Variants in MUC12 observed in about 807,000 individuals in gnomAD.
The protein encoded by MUC12 is mucin 12, cell surface associated.
MUC12 carries 172 observed loss-of-function variants against 230.8 expected under a neutral mutation model. The observed-to-expected ratio is 0.75, with a 90% CI of 0.66 to 0.85. The LOEUF is 0.85. MUC12 is among the 40% of genes least tolerant of loss of function. The pLI is 0.00. For missense variants in MUC12, 3,506 were observed against 5,920.6 expected (o/e 0.59, Z 13.38); for synonymous variants, 1,259 against 2,401.9 (o/e 0.52, Z 13.91).
rs375089739 is a variant in MUC12 at position 100,992,519 on chromosome 7, A to G, written c.1956A>G (p.Ser652=). The G allele has an allele frequency of 5.2e-6, 8 of 1,537,910 alleles. No individual in the cohort carries two copies. Among genetic ancestry groups the G allele is most frequent in the African/African-American group, 1.4e-5 (1 of 73,146 alleles). ...DTRPAPPTTT[S]AFVEPSTTSH... ...GGCCTGCACCTCCTACTACCACATC[A>G]GCCTTTGTTGAGCCATCTACAACCT... The change falls in exon 2 of 12, where the codon TCA becomes TCG. Residue 652 remains serine (S), a synonymous_variant. Coordinates refer to ENST00000536621, the MANE Select transcript of MUC12 (RefSeq NM_001164462.2).
At chr7:101,012,795 T>C (rs988622940) in intron 6 of MUC12, 24 bp from the exon 7 acceptor site, 4 of 1,535,832 alleles carry the variant, frequency 2.6e-6, no homozygotes, top group Non-Finnish European at 3.5e-6. Context: ...CTATTCCATC[T>C]TCCTTCCCAT....
At chr7:100,978,367 G>C (rs985253287) in intron 1 of MUC12, among the ~76,000 whole-genome samples, 2 of 152,178 alleles carry the variant, frequency 1.3e-5, no homozygotes, top group African/African-American at 4.8e-5. Flanking sequence ...AGAGCAGAAT[G>C]TGCACCTAGA....
chr7:101,013,984 A>T lies in MUC12; in HGVS notation c.15710A>T (p.Tyr5237Phe). Reference sequence around the variant, plus strand: ...TTCAACATCGCCAAGAGCCTCGTGTATGGGATCGTGGGGGCTGTGATGGCG... The same window carrying T: ...TTCAACATCGCCAAGAGCCTCGTGTTTGGGATCGTGGGGGCTGTGATGGCG... ...CEFNIAKSLV[Y>F]GIVGAVMAVL... Residue 5237 changes from tyrosine (Y) to phenylalanine (F), a missense_variant, in exon 9 of 12, where the codon TAT becomes TTT. By Grantham distance (22) the Tyr-to-Phe change is conservative. Transcript: ENST00000536621. 1 of 1,536,308 alleles carries T rather than the reference A, an allele frequency of 6.5e-7. No homozygotes were observed. The highest frequency in any genetic ancestry group is 2.4e-5 in the East Asian group (1 of 40,898).
At chr7:100,975,370 G>T (rs540951617) in intron 1 of MUC12, among the ~76,000 whole-genome samples, 1 of 152,428 alleles carries the variant, frequency 6.6e-6, no homozygotes, top group African/African-American at 2.4e-5. Context: ...GGGTGGAAAT[G>T]GTTAACACCT....
Position 101,018,678 on chromosome 7 carries a change from G to C in MUC12, c.*42G>C. 1 of 1,521,586 alleles carries C rather than the reference G, an allele frequency of 6.6e-7. No homozygotes were observed. Among genetic ancestry groups the C allele is most frequent in the South Asian group, 1.2e-5 (1 of 82,520 alleles). 94.3% of individuals were successfully genotyped at this position (1,521,586 alleles called of 1,614,324 possible). Reference sequence around the variant, plus strand: ...CACCCTCATCTAGCTCTGTTCAGGAGAGCTGCAAACACAGAGCCCACCACA... The same window carrying C: ...CACCCTCATCTAGCTCTGTTCAGGACAGCTGCAAACACAGAGCCCACCACA... On this transcript the variant is annotated 3_prime_UTR_variant, in exon 12 of 12. Transcript: ENST00000536621.
intron 5 of MUC12, among the ~76,000 whole-genome samples, chr7:101,010,762 G>A (rs890798417): frequency 9.2e-5 from 14 of 152,068 alleles, no homozygotes; most frequent in African/African-American, 2.7e-4. Context: ...TGATCCGCCC[G>A]CCTTGGCCTC....
In MUC12 at chr7:100,995,512, A is replaced by G. The variant is rs1197235184; in HGVS notation, c.4949A>G (p.Asn1650Ser). Residue 1650 changes from asparagine to serine, a missense_variant, in exon 2 of 12, where the codon AAC (asparagine) becomes AGC (serine). Transcript: ENST00000536621. ...GSTETTLLPDNTTASGLLEAS... is the reference protein window; with the variant it reads ...GSTETTLLPDSTTASGLLEAS... ...ACTGAAACAACACTCTTACCTGACA[A>G]CACCACAGCCTCAGGCCTCCTTGAA... 9 of 1,535,454 alleles carry G rather than the reference A, an allele frequency of 5.9e-6. No homozygotes were observed. In the Admixed American group the frequency reaches 1.6e-4, roughly 27 times the overall value.
chr7:100,990,808 C>T lies in MUC12; in HGVS notation c.245C>T (p.Thr82Ile). The T allele has an allele frequency of 6.5e-7, 1 of 1,537,824 alleles. No individual in the cohort carries two copies. The highest frequency in any genetic ancestry group is 8.7e-7 in the Non-Finnish European group (1 of 1,147,030). Residue 82 changes from threonine (T) to isoleucine (I), a missense_variant, in exon 2 of 12, where the codon ACA becomes ATA. By Grantham distance (89) the Thr-to-Ile change is moderately conservative. Transcript: ENST00000536621. ...AACTCAGGCCACAGTGAGGAATCAA[C>T]AGTATCCCACAGCGGCCCAGGTGCA... ...STNSGHSEES[T>I]VSHSGPGATG...
At chr7:100,985,281 C>T (rs973299180) in intron 1 of MUC12, among the ~76,000 whole-genome samples, 2 of 152,020 alleles carry the variant, frequency 1.3e-5, no homozygotes, top group African/African-American at 2.4e-5. Flanking sequence ...TGAGTCAGTT[C>T]CTGGGTGGGG....
chr7:101,008,862 A>C, intron 4 of MUC12, 101 bp downstream of exon 4: 1 of 1,417,202 alleles, frequency 7.1e-7, no homozygotes, highest in Non-Finnish European at 9.4e-7. Context: ...TCTGCTCATG[A>C]GCCCCCTCCC....
chr7:101,014,480 C>CT (rs902335437), intron 9 of MUC12: 139 of 150,258 alleles, frequency 9.3e-4, no homozygotes, highest in South Asian at 1.7e-3. Context: ...GCTGAACTCA[C>CT]TTTTTTTTTT....
At position 100,991,654 on chromosome 7, in the gene MUC12, G is replaced by A. The variant is rs1164433899; in HGVS notation, c.1091G>A (p.Ser364Asn). Residue 364 changes from serine to asparagine, a missense_variant, in exon 2 of 12, where the codon AGC (serine) becomes AAC (asparagine). Ser to Asn is a conservative substitution (Grantham distance 46). Transcript: ENST00000536621. Reference sequence around the variant, plus strand: ...GAAGAATCTACAGCCTACCACAGGAGCCCGGGCTCAACTCAAACAATGCAC... The same window carrying A: ...GAAGAATCTACAGCCTACCACAGGAACCCGGGCTCAACTCAAACAATGCAC... ...HVEESTAYHR[S>N]PGSTQTMHFP... 6.5e-6 allele frequency: 10 copies of A among 1,537,080 alleles called. No individual in the cohort carries two copies. Among genetic ancestry groups the A allele is most frequent in the Admixed American group, 2.0e-5 (1 of 50,966 alleles).
At position 100,991,681 on chromosome 7, in the gene MUC12, T is replaced by A. The variant is rs1184011670; in HGVS notation, c.1118T>A (p.Phe373Tyr). ...RSPGSTQTMH[F>Y]PESSTTSGHS... ...CCGGGCTCAACTCAAACAATGCACTTCCCTGAAAGCTCCACAACTTCAGGC... is the reference window on the plus strand; with the variant it reads ...CCGGGCTCAACTCAAACAATGCACTACCCTGAAAGCTCCACAACTTCAGGC... Residue 373 changes from phenylalanine (F) to tyrosine (Y), a missense_variant, in exon 2 of 12, where the codon TTC (phenylalanine) becomes TAC (tyrosine). By Grantham distance (22) the Phe-to-Tyr change is conservative. Coordinates refer to ENST00000536621, the MANE Select transcript of MUC12 (RefSeq NM_001164462.2). 1.3e-6 allele frequency: 2 copies of A among 1,537,636 alleles called. No homozygotes were observed. Among genetic ancestry groups the A allele is most frequent in the Admixed American group, 2.0e-5 (1 of 50,998 alleles).
At chr7:101,015,125 A>G (rs767398950) in intron 9 of MUC12, 1 of 164,816 alleles carries the variant, frequency 6.1e-6, no homozygotes, top group Non-Finnish European at 1.3e-5. Flanking sequence ...CATAACACAG[A>G]GAATGGAAAC....
rs915396845 is a variant in MUC12 at position 101,004,722 on chromosome 7, C to T, written c.14159C>T (p.Ser4720Leu). ...ACCACCTTCTATATCTCTCCAGGCT[C>T]AATGGAAACAACATTAGCCAGCACT... ...ESTTFYISPG[S>L]METTLASTAT... The change falls in exon 2 of 12, where the codon TCA becomes TTA. Residue 4720 changes from serine (S) to leucine (L), a missense_variant. Transcript: ENST00000536621. 9.8e-6 allele frequency: 15 copies of T among 1,537,060 alleles called. No homozygotes were observed. The highest frequency in any genetic ancestry group is 1.3e-5 in the Non-Finnish European group (15 of 1,146,416).
At chr7:101,013,389 G>A (rs1365189921) in intron 8 of MUC12, among the ~76,000 whole-genome samples, 1 of 152,196 alleles carries the variant, frequency 6.6e-6, no homozygotes, top group African/African-American at 2.4e-5. Flanking sequence ...AGTTCATGCT[G>A]TCAATTTCCA....
chr7:100,991,913 A>T lies in MUC12; in HGVS notation c.1350A>T (p.Thr450=). 2.6e-6 allele frequency: 4 copies of T among 1,537,888 alleles called. No individual in the cohort carries two copies. Among genetic ancestry groups the T allele is most frequent in the Middle Eastern group, 1.7e-4 (1 of 5,996 alleles). Residue 450 remains threonine, a synonymous_variant, in exon 2 of 12, where the codon ACA becomes ACT. Transcript: ENST00000536621. ...SHSSPDAMAT[T]VLPAGSTPSV... ...GCAGCCCAGATGCAATGGCAACAACAGTCTTACCTGCCGGCTCTACACCCT... is the reference window on the plus strand; with the variant it reads ...GCAGCCCAGATGCAATGGCAACAACTGTCTTACCTGCCGGCTCTACACCCT...
Position 101,004,658 on chromosome 7 carries a change from C to T in MUC12, c.14095C>T (p.Pro4699Ser), listed in dbSNP as rs767244717. 3.8e-5 allele frequency: 59 copies of T among 1,537,354 alleles called. No individual in the cohort carries two copies. Among genetic ancestry groups the T allele is most frequent in the Non-Finnish European group, 5.1e-5 (59 of 1,146,658 alleles). Residue 4699 changes from proline (P) to serine (S), a missense_variant, in exon 2 of 12, where the codon CCT (proline) becomes TCT (serine). Coordinates refer to ENST00000536621, the MANE Select transcript of MUC12 (RefSeq NM_001164462.2). The stretch of plus-strand genomic sequence containing the variant: ...AGATACAAATGGAATCACACCCTTA[C>T]CTGCCCATTTTACTACCTCAGGCCG... ...SPDTNGITPL[P>S]AHFTTSGRIA...
At chr7:100,988,311 A>G (rs1371576649) in intron 1 of MUC12, among the ~76,000 whole-genome samples, 1 of 146,944 alleles carries the variant, frequency 6.8e-6, no homozygotes, top group African/African-American at 2.5e-5. Context: ...AAAAAAAAAA[A>G]GAAAGAAAGA....
Sources: gnomAD v4.1 joint callset for allele counts (sites outside exome capture counted in the v4.1 genomes callset) on GRCh38, gnomAD v4.1.1 for gene constraint, MANE v1.5 for transcripts, NCBI Gene and HGNC (gene_info 2026-07-23, HGNC 2026-07-21) for gene names.